CFAP92: variants seen among roughly 807,000 people sequenced by gnomAD.
The protein encoded by CFAP92 is uncharacterized protein CFAP92.
In CFAP92, 86 loss-of-function variants were observed where a neutral mutation model predicts 106.3. The ratio of observed to expected loss-of-function variants is 0.81; its 90% CI spans 0.68 to 0.97. CFAP92 has a LOEUF of 0.97. Ranked by LOEUF, CFAP92 falls within the 50% of genes least tolerant of loss-of-function variation. The pLI is 0.00. For synonymous variants in CFAP92, 477 were observed against 506.4 expected (o/e 0.94, Z 0.78); for missense variants, 1,204 against 1,283.8 (o/e 0.94, Z 0.95).
At chr3:129,001,614 G>T in intron 1 of CFAP92, 1 of 1,355,358 alleles carries the variant, frequency 7.4e-7, no homozygotes, top group Non-Finnish European at 9.4e-7. Flanking sequence ...GAGGAGCGAG[G>T]CGCGCGGCGC....
At chr3:128,981,419 C>T (rs1943528377) in intron 4 of CFAP92, among the ~76,000 whole-genome samples, 1 of 151,928 alleles carries the variant, frequency 6.6e-6, no homozygotes, top group Non-Finnish European at 1.5e-5. Flanking sequence ...CAACCTCCAC[C>T]TCCCAGGTTC....
At chr3:129,025,565 AGTAAGGGTG>A in the CFAP92 span, among the ~76,000 whole-genome samples, 1 of 152,204 alleles carries the variant, frequency 6.6e-6, no homozygotes, top group South Asian at 2.1e-4. Flanking sequence ...AGTAGGGCAG[AGTAAGGGTG>A]GTAGCTGGGA....
intron 7 of CFAP92, among the ~76,000 whole-genome samples, chr3:128,973,231 G>A (rs2107784546): frequency 6.6e-6 from 1 of 152,254 alleles, no homozygotes; most frequent in East Asian, 1.9e-4. Flanking sequence ...ATATGAATAG[G>A]AAAATCACAG....
At position 128,993,145 on chromosome 3, in the gene CFAP92, T is replaced by C; in HGVS notation, c.160A>G (p.Ser54Gly). Residue 54 changes from serine (S) to glycine (G), a missense_variant, in exon 2 of 16, where the codon AGC (serine) becomes GGC (glycine). Coordinates refer to ENST00000645291, the MANE Select transcript of CFAP92 (RefSeq NM_001394090.1). ...GCAGGCTCAGATGAGGACTCGATGC[T>C]GCTGCACGGGCGGTCAGAGTCAGAC... ...QESDSDRPCS[S>G]IESSSEPAST... is the part of the protein sequence containing the mutation. 1.9e-6 allele frequency: 3 copies of C among 1,614,072 alleles called. No individual in the cohort carries two copies. The highest frequency in any genetic ancestry group is 2.5e-6 in the Non-Finnish European group (3 of 1,179,888).
intron 12 of CFAP92, among the ~76,000 whole-genome samples, chr3:128,929,592 A>G (rs141301575): frequency 5.6e-4 from 85 of 152,368 alleles, no homozygotes; most frequent in African/African-American, 2.0e-3. Flanking sequence ...AGCAATAAAA[A>G]AAGAACACAC....
chr3:128,948,544 C>G (rs1286531940), intron 9 of CFAP92, among the ~76,000 whole-genome samples: 1 of 116,634 alleles, frequency 8.6e-6, no homozygotes, highest in Non-Finnish European at 1.7e-5. Context: ...TTTTTTTTTT[C>G]CCTGAGACAG....
At chr3:128,960,446 C>T (rs1366737464) in intron 9 of CFAP92, among the ~76,000 whole-genome samples, 4 of 152,220 alleles carry the variant, frequency 2.6e-5, no homozygotes, top group Non-Finnish European at 5.9e-5. Flanking sequence ...CTCACTATCC[C>T]TCAACCTCTT....
intron 4 of CFAP92, among the ~76,000 whole-genome samples, chr3:128,986,388 C>T (rs1051533415): frequency 2.0e-5 from 3 of 152,130 alleles, no homozygotes; most frequent in South Asian, 2.1e-4. Flanking sequence ...TACAGGAGCA[C>T]GTCACCATGC....
chr3:128,924,900 CTTTG>C (rs1407494800), intron 12 of CFAP92, among the ~76,000 whole-genome samples: 1 of 152,154 alleles, frequency 6.6e-6, no homozygotes, highest in Non-Finnish European at 1.5e-5. Flanking sequence ...CCACCTGCTT[CTTTG>C]TTTGATCACC....
chr3:128,923,152 CAGG>C (rs60226357), intron 12 of CFAP92, among the ~76,000 whole-genome samples: 20,255 of 152,142 alleles, frequency 0.13, 2,159 homozygotes, highest in African/African-American at 0.3. Context: ...TGTGTTTTTG[CAGG>C]AGATGAACAA....
chr3:128,994,232 T>C (rs757058900), upstream of CFAP92: 2 of 771,690 alleles, frequency 2.6e-6, no homozygotes, highest in Non-Finnish European at 3.2e-6. Context: ...GTCAAATGGC[T>C]ACATCCAGGT....
chr3:128,941,881 G>A (rs1252960272), intron 10 of CFAP92, among the ~76,000 whole-genome samples: 1 of 152,148 alleles, frequency 6.6e-6, no homozygotes, highest in Non-Finnish European at 1.5e-5. Context: ...TTGGAAGTAT[G>A]GTTATTAATT....
the CFAP92 span, among the ~76,000 whole-genome samples, chr3:129,026,457 A>T: frequency 6.6e-6 from 1 of 152,194 alleles, no homozygotes; most frequent in Admixed American, 6.5e-5. Flanking sequence ...GAAGTCCCTT[A>T]CCTGCTGACA....
chr3:128,972,550 CTTTTT>C (rs910183361), intron 7 of CFAP92, among the ~76,000 whole-genome samples: 1 of 150,694 alleles, frequency 6.6e-6, no homozygotes, highest in Non-Finnish European at 1.5e-5. Flanking sequence ...CCTCTTTTTT[CTTTTT>C]TTTAAGAGGT....
At chr3:128,913,529 T>TC (rs1936570780) in intron 15 of CFAP92, among the ~76,000 whole-genome samples, 1 of 152,138 alleles carries the variant, frequency 6.6e-6, no homozygotes, top group Non-Finnish European at 1.5e-5. Flanking sequence ...TTTGATGTGG[T>TC]CCTTGGGTGG....
intron 10 of CFAP92, among the ~76,000 whole-genome samples, chr3:128,941,955 G>A (rs932860176): frequency 6.6e-6 from 1 of 151,980 alleles, no homozygotes; most frequent in African/African-American, 2.4e-5. Flanking sequence ...AATTCAACTG[G>A]GTTCAATGAG....
the CFAP92 span, among the ~76,000 whole-genome samples, chr3:129,014,846 G>A: frequency 6.6e-6 from 1 of 152,254 alleles, no homozygotes; most frequent in East Asian, 1.9e-4. The surrounding 1 kb of genome is among the most constrained non-coding windows in gnomAD (Gnocchi z 4.3). Context: ...ATGCCGAGGG[G>A]CCAGTGAGGA....
intron 9 of CFAP92, among the ~76,000 whole-genome samples, chr3:128,946,857 A>G (rs1221054605): frequency 6.6e-6 from 1 of 152,242 alleles, no homozygotes; most frequent in African/African-American, 2.4e-5. Flanking sequence ...AGATATTAGA[A>G]TGATCAGAGA....
the CFAP92 span, among the ~76,000 whole-genome samples, chr3:129,014,240 T>C: frequency 6.6e-6 from 1 of 152,242 alleles, no homozygotes; most frequent in Non-Finnish European, 1.5e-5. This position sits in a 1 kb window ranked among gnomAD's most constrained non-coding sequence, Gnocchi z 4.3. Context: ...GTTACGCTGT[T>C]GACCACCAGT....
Sources: allele counts gnomAD v4.1 joint callset (sites outside exome capture counted in the v4.1 genomes callset), GRCh38; gene constraint gnomAD v4.1.1; non-coding constraint Gnocchi (gnomAD v3.1); transcripts MANE v1.5; gene names NCBI Gene and HGNC (gene_info 2026-07-23, HGNC 2026-07-21).